ADAMTS9: variants seen among roughly 807,000 people sequenced by gnomAD.
ADAMTS9 encodes the protein ADAM metallopeptidase with thrombospondin type 1 motif 9.
In ADAMTS9, 107 loss-of-function variants were observed where a neutral mutation model predicts 257.1. The observed-to-expected ratio is 0.42, with a 90% CI of 0.36 to 0.49. The LOEUF (loss-of-function observed/expected upper bound fraction) is 0.49, where lower values mean the gene tolerates loss of function less well. Among genes scored for constraint, ADAMTS9 ranks in the 20% least tolerant of loss-of-function variants. The pLI, the probability that ADAMTS9 is intolerant of heterozygous loss-of-function variation, is 0.03. For synonymous variants in ADAMTS9, 982 were observed against 880.9 expected (o/e 1.11, Z -2.03); for missense variants, 2,353 against 2,469.1 (o/e 0.95, Z 1.00).
intron 22 of ADAMTS9, among the ~76,000 whole-genome samples, chr3:64,611,838 A>T (rs2084670511): frequency 6.6e-6 from 1 of 152,148 alleles, no homozygotes; most frequent in Non-Finnish European, 1.5e-5. Flanking sequence ...CTTAATGTAT[A>T]CAAGGTTTCC....
At chr3:64,601,621 C>T (rs1484378721) in intron 26 of ADAMTS9, among the ~76,000 whole-genome samples, 2 of 152,076 alleles carry the variant, frequency 1.3e-5, no homozygotes, top group African/African-American at 4.8e-5. Context: ...TTCTTAATTC[C>T]CCTACAGGTA....
chr3:64,601,057 A>T (rs1044397730), intron 26 of ADAMTS9, among the ~76,000 whole-genome samples: 4 of 151,476 alleles, frequency 2.6e-5, no homozygotes, highest in Non-Finnish European at 5.9e-5. Context: ...TGCACAGCAT[A>T]TTTTTTTTTA....
chr3:64,581,464 C>T (rs977053126), intron 28 of ADAMTS9, among the ~76,000 whole-genome samples: 11 of 152,006 alleles, frequency 7.2e-5, no homozygotes, highest in Admixed American at 2.6e-4. Context: ...GATTTCACCA[C>T]GTTGCCAAGG....
At chr3:64,567,047 C>T (rs904408291) in intron 29 of ADAMTS9, among the ~76,000 whole-genome samples, 3 of 152,050 alleles carry the variant, frequency 2.0e-5, no homozygotes, top group African/African-American at 7.2e-5. Context: ...CCCCATGTTT[C>T]ATTATGATAA....
rs547979831 is a variant in ADAMTS9, at chr3:64,655,686, C to G, written c.1059G>C (p.Gly353=). Residue 353 remains glycine, a synonymous_variant, in exon 6 of 40, where the codon GGG becomes GGC. Coordinates refer to ENST00000498707, the MANE Select transcript of ADAMTS9 (RefSeq NM_182920.2). ...NLIVIHNEQD[G]PSISFNAQTT... ...TCTGAGCATTAAAAGATATGGAAGG[C>G]CCATCCTAAATACAGAGAAGAATTA... is the stretch of plus-strand genomic sequence containing the variant. The G allele has an allele frequency of 3.1e-6, 5 of 1,613,196 alleles. No homozygotes were observed. In the Admixed American group the frequency reaches 8.3e-5, roughly 27 times the overall value.
chr3:64,681,279 T>C lies in ADAMTS9; in HGVS notation c.601A>G (p.Asn201Asp), dbSNP rs745487784. Residue 201 changes from asparagine to aspartate, a missense_variant, in exon 3 of 40, where the codon AAC becomes GAC. Physicochemically the swap from Asn to Asp is conservative, Grantham distance 23. Coordinates refer to ENST00000498707, the MANE Select transcript of ADAMTS9 (RefSeq NM_182920.2). ...MDEQEDEEEQ[N>D]KPHIIYRRSA... Reference sequence around the variant, plus strand: ...CGCCTATAAATGATGTGGGGTTTGTTTTGTTCCTCTTCATCTTCTTGTTCA... The same window carrying C: ...CGCCTATAAATGATGTGGGGTTTGTCTTGTTCCTCTTCATCTTCTTGTTCA... 1.9e-5 allele frequency: 31 copies of C among 1,613,972 alleles called. No homozygotes were observed. Among genetic ancestry groups the C allele is most frequent in the Non-Finnish European group, 2.5e-5 (29 of 1,179,976 alleles).
intron 27 of ADAMTS9, among the ~76,000 whole-genome samples, chr3:64,595,245 G>C (rs2084344594): frequency 6.6e-6 from 1 of 152,130 alleles, no homozygotes; most frequent in Non-Finnish European, 1.5e-5. Flanking sequence ...CTATTTTACT[G>C]TATCTCTGAA....
chr3:64,530,219 G>A (rs1188280622), intron 38 of ADAMTS9, among the ~76,000 whole-genome samples: 1 of 151,902 alleles, frequency 6.6e-6, no homozygotes, highest in African/African-American at 2.4e-5. Context: ...AAGTCACACA[G>A]GTTTATTTCC....
rs2106639893 is a variant in ADAMTS9, at chr3:64,687,763, G to GCGCCCGC, written c.-113_-107dup. 1 of 853,236 alleles carries GCGCCCGC rather than the reference G, an allele frequency of 1.2e-6. No individual in the cohort carries two copies. Among genetic ancestry groups the GCGCCCGC allele is most frequent in the East Asian group, 3.3e-5 (1 of 30,140 alleles). 52.9% of individuals were successfully genotyped at this position (853,236 alleles called of 1,614,324 possible). A position where few individuals can be genotyped will look rare whatever the true frequency, so the allele number is the denominator to read the frequency against. On this transcript the variant is annotated 5_prime_UTR_variant, in exon 1 of 40. Transcript: ENST00000498707. The surrounding 1 kb of genome is among the most constrained non-coding windows in gnomAD (Gnocchi z 4.4). ...GGCCGTGGAGAGCGCGCGGAGCCCG[G>GCGCCCGC]CGCCCGCCGCCAACTTTTGACTTTA...
chr3:64,620,558 T>C (rs761255807), intron 19 of ADAMTS9, among the ~76,000 whole-genome samples: 2 of 152,210 alleles, frequency 1.3e-5, no homozygotes, highest in African/African-American at 2.4e-5. Context: ...CAGAATGCTC[T>C]ACCCACCCAG....
chr3:64,613,158 G>T (rs2084698142), intron 22 of ADAMTS9, among the ~76,000 whole-genome samples, 187 bp downstream of exon 22: 1 of 152,150 alleles, frequency 6.6e-6, no homozygotes, highest in East Asian at 1.9e-4. Context: ...AGGAGGGCAG[G>T]CAGCAATCCT....
At chr3:64,605,316 T>C (rs1221545141) in intron 23 of ADAMTS9, among the ~76,000 whole-genome samples, 1 of 152,252 alleles carries the variant, frequency 6.6e-6, no homozygotes, top group Non-Finnish European at 1.5e-5. Context: ...CCTCAGTTCA[T>C]GATTGCTTTA....
At position 64,677,888 on chromosome 3, in the gene ADAMTS9, G is replaced by A. The variant is rs115552894; in HGVS notation, c.679+3313C>T. 2.1e-3 allele frequency among the ~76,000 whole-genome samples: 323 copies of A among 152,294 alleles called. 1 individual carries two copies. Among genetic ancestry groups the A allele is most frequent in the African/African-American group, 7.7e-3 (319 of 41,556 alleles). ...TAAATGCACGCATGAATGAAGAAAC[G>A]GAACTGTAGACTCCTTTCTAAACCC... On this transcript the variant is annotated intron_variant, in intron 3 of 39. Transcript: ENST00000498707.
intron 29 of ADAMTS9, chr3:64,565,563 T>C (rs1179306453): frequency 1.3e-5 from 2 of 152,248 alleles, no homozygotes; most frequent in African/African-American, 4.8e-5. Context: ...AATGCATTGG[T>C]GTGTTACCTT....
At chr3:64,566,639 AG>A (rs1173900410) in intron 29 of ADAMTS9, among the ~76,000 whole-genome samples, 1 of 152,230 alleles carries the variant, frequency 6.6e-6, no homozygotes, top group Non-Finnish European at 1.5e-5. Context: ...AAAGAGCAAA[AG>A]ATTCTTTTAA....
intron 25 of ADAMTS9, 91 bp from the exon 26 acceptor site, chr3:64,602,304 C>G: frequency 1.3e-6 from 2 of 1,492,136 alleles, no homozygotes; most frequent in Non-Finnish European, 1.8e-6. Context: ...TGGCCCACCA[C>G]TTTCCCAAAT....
intron 28 of ADAMTS9, among the ~76,000 whole-genome samples, chr3:64,590,372 C>T (rs1316464800): frequency 1.3e-5 from 2 of 152,142 alleles, no homozygotes; most frequent in Admixed American, 1.3e-4. Context: ...ACATTCATTT[C>T]TAATCCACAG....
At chr3:64,655,931 C>A in intron 4 of ADAMTS9, 56 bp from the exon 5 acceptor site, 4 of 1,129,266 alleles carry the variant, frequency 3.5e-6, no homozygotes, top group Admixed American at 4.9e-5. Flanking sequence ...AAGCAATAAG[C>A]AAGTCACGTC....
chr3:64,607,101 G>T (rs201268959), intron 22 of ADAMTS9, 22 bp from the exon 23 acceptor site: 2 of 1,611,272 alleles, frequency 1.2e-6, no homozygotes, highest in East Asian at 2.2e-5. Flanking sequence ...AGGACAAAAG[G>T]TATATACAAT....
Sources: allele counts gnomAD v4.1 joint callset (sites outside exome capture counted in the v4.1 genomes callset), GRCh38; gene constraint gnomAD v4.1.1; non-coding constraint Gnocchi (gnomAD v3.1); transcripts MANE v1.5; gene names NCBI Gene and HGNC (gene_info 2026-07-23, HGNC 2026-07-21).